CCDC181: variants seen among roughly 807,000 people sequenced by gnomAD.
The protein encoded by CCDC181 is coiled-coil domain-containing protein 181.
Under a neutral mutation model 58.7 loss-of-function variants are expected in CCDC181, and 35 were observed. That is an observed-to-expected ratio of 0.60 (90% CI 0.46 to 0.79). CCDC181 has a LOEUF of 0.79. CCDC181 is among the 30% of genes least tolerant of loss of function. CCDC181 has a pLI of 0.00. For missense variants in CCDC181, 517 were observed against 583.9 expected (o/e 0.89, Z 1.18); for synonymous variants, 183 against 197.5 (o/e 0.93, Z 0.62).
intron 2 of CCDC181, among the ~76,000 whole-genome samples, chr1:169,450,022 G>A (rs1352812349): frequency 2.0e-5 from 3 of 152,174 alleles, no homozygotes; most frequent in Non-Finnish European, 2.9e-5. Context: ...AATAGAGCCC[G>A]ATTGATATGG....
At chr1:169,424,314 C>T (rs1043232693) in intron 2 of CCDC181, among the ~76,000 whole-genome samples, 1 of 151,824 alleles carries the variant, frequency 6.6e-6, no homozygotes, top group Non-Finnish European at 1.5e-5. Context: ...GTGACTCAGA[C>T]TTTGACCCTT....
chr1:169,439,003 T>C (rs1276385532), intron 2 of CCDC181, among the ~76,000 whole-genome samples: 1 of 152,100 alleles, frequency 6.6e-6, no homozygotes, highest in Admixed American at 6.6e-5. Flanking sequence ...GATGGAGAAG[T>C]CTCCTTAACC....
intron 4 of CCDC181, among the ~76,000 whole-genome samples, chr1:169,400,983 G>A (rs552584829): frequency 3.3e-5 from 5 of 152,276 alleles, no homozygotes; most frequent in South Asian, 2.1e-4. Flanking sequence ...CTTAGCAAAC[G>A]GCACATCAGA....
At chr1:169,445,252 T>A (rs998687919) in intron 2 of CCDC181, among the ~76,000 whole-genome samples, 5 of 152,214 alleles carry the variant, frequency 3.3e-5, no homozygotes, top group Non-Finnish European at 4.4e-5. Context: ...TTCTCATCAT[T>A]CACTATGATT....
intron 2 of CCDC181, among the ~76,000 whole-genome samples, chr1:169,458,021 T>C: frequency 6.6e-6 from 1 of 152,160 alleles, no homozygotes; most frequent in East Asian, 1.9e-4. Flanking sequence ...TTCTGTTTTA[T>C]TTAAGATTGA....
intron 2 of CCDC181, among the ~76,000 whole-genome samples, chr1:169,436,229 A>G (rs188652333): frequency 6.6e-6 from 1 of 151,878 alleles, no homozygotes; most frequent in East Asian, 1.9e-4. Flanking sequence ...CAGAAAAAAA[A>G]AATGCTTTTA....
intron 5 of CCDC181, among the ~76,000 whole-genome samples, 142 bp downstream of exon 5, chr1:169,397,081 TATACATTTTTAAAA>T (rs1655082770): frequency 6.6e-6 from 1 of 150,908 alleles, no homozygotes; most frequent in Non-Finnish European, 1.5e-5. Flanking sequence ...GTTAAAGAAT[TATACATTTTTAAAA>T]GCATGAATTT....
chr1:169,438,210 T>A lies in CCDC181; in HGVS notation c.-23-13260A>T, dbSNP rs564305079. On this transcript the variant is annotated intron_variant, in intron 2 of 6. Transcript: ENST00000545005. Reference sequence around the variant, plus strand: ...CTAGCCTCACAAATCCTTTTTTTTTTAAATATATTAATCAAACCCTTGCAG... The same window carrying A: ...CTAGCCTCACAAATCCTTTTTTTTTAAAATATATTAATCAAACCCTTGCAG... 4.0e-3 allele frequency among the ~76,000 whole-genome samples: 581 copies of A among 146,334 alleles called. 7 individuals are homozygous for A. The highest frequency in any genetic ancestry group is 0.011 in the African/African-American group (446 of 39,938).
chr1:169,420,452 C>G (rs1402597241), intron 3 of CCDC181, among the ~76,000 whole-genome samples: 1 of 150,478 alleles, frequency 6.6e-6, no homozygotes, highest in Non-Finnish European at 1.5e-5. Context: ...CAGATATTTC[C>G]CTGATAATTT....
chr1:169,397,742 A>G (rs1655129347), intron 4 of CCDC181, among the ~76,000 whole-genome samples: 1 of 152,266 alleles, frequency 6.6e-6, no homozygotes, highest in South Asian at 2.1e-4. Flanking sequence ...GTGGTCCCTC[A>G]AAGTTCATGA....
In CCDC181 at chr1:169,395,089, C is replaced by G; in HGVS notation, c.1488G>C (p.Met496Ile). 2 of 1,611,418 alleles carry G rather than the reference C, an allele frequency of 1.2e-6. No homozygotes were observed. Among genetic ancestry groups the G allele is most frequent in the Non-Finnish European group, 8.5e-7 (1 of 1,178,954 alleles). The stretch of plus-strand genomic sequence containing the variant: ...TAAAACGAAAAGGTTTGGCTTCTGA[C>G]ATATATAGGTGGTGCTGTAACTGTT... The part of the protein sequence containing the change: ...RSKQLQHHLY[M>I]SEAKPFRFTD... The change falls in exon 6 of 6, where the codon ATG (methionine) becomes ATC (isoleucine). Residue 496 changes from methionine to isoleucine, a missense_variant. Physicochemically the swap from Met to Ile is conservative, Grantham distance 10 (BLOSUM62 1). Coordinates refer to ENST00000367806, the MANE Select transcript of CCDC181 (RefSeq NM_001300969.2).
At chr1:169,457,315 A>C (rs749151484) in intron 2 of CCDC181, among the ~76,000 whole-genome samples, 3 of 152,124 alleles carry the variant, frequency 2.0e-5, no homozygotes, top group African/African-American at 7.2e-5. Context: ...TTAACATAGA[A>C]TATTGCTTCT....
At chr1:169,442,790 CAT>C (rs1657269300) in intron 2 of CCDC181, 1 of 151,876 alleles carries the variant, frequency 6.6e-6, no homozygotes, top group Non-Finnish European at 1.5e-5. Context: ...CATACTAAGT[CAT>C]ATGATAGAAG....
rs1038660480 is a variant in CCDC181 at position 169,427,277 on chromosome 1, A to G, written c.-24+11T>C. 1 of 152,308 alleles carries G rather than the reference A, an allele frequency of 6.6e-6. No individual in the cohort carries two copies. Among genetic ancestry groups the G allele is most frequent in the African/African-American group, 2.4e-5 (1 of 41,318 alleles). The allele number at this position is 152,308 out of a possible 1,614,324, so 9.4% of individuals were successfully genotyped here. ...TCGTCCTTCCCTTCTCTCCCTCTATATCCCTCTTGCCTGTGTAAAATGCGG... is the reference window on the plus strand; with the variant it reads ...TCGTCCTTCCCTTCTCTCCCTCTATGTCCCTCTTGCCTGTGTAAAATGCGG... On this transcript the variant is annotated intron_variant, in intron 1 of 5. Transcript: ENST00000367806.
chr1:169,426,530 TG>T (rs1656720035), intron 1 of CCDC181, among the ~76,000 whole-genome samples: 1 of 152,206 alleles, frequency 6.6e-6, no homozygotes, highest in African/African-American at 2.4e-5. Flanking sequence ...TGTGGATAGG[TG>T]AACTGCCGAT....
upstream of CCDC181, chr1:169,427,611 A>G (rs1435711777): frequency 1.3e-5 from 2 of 152,278 alleles, no homozygotes; most frequent in Non-Finnish European, 2.9e-5. Flanking sequence ...CACTAACGTT[A>G]TAGAGACTCG....
chr1:169,436,221 GA>G (rs200624620), intron 2 of CCDC181, among the ~76,000 whole-genome samples: 3 of 147,730 alleles, frequency 2.0e-5, no homozygotes, highest in African/African-American at 5.0e-5. Context: ...TCTGACACCA[GA>G]AAAAAAAAAT....
intron 4 of CCDC181, among the ~76,000 whole-genome samples, chr1:169,401,459 G>GA (rs768720939): frequency 1.4e-4 from 22 of 152,206 alleles, no homozygotes; most frequent in Non-Finnish European, 1.8e-4. Context: ...GCTTCCAGAG[G>GA]AAGGATCAGG....
At chr1:169,410,792 C>G (rs1371347641) in intron 4 of CCDC181, among the ~76,000 whole-genome samples, 1 of 152,156 alleles carries the variant, frequency 6.6e-6, no homozygotes, top group Non-Finnish European at 1.5e-5. Flanking sequence ...TGAATGACTA[C>G]TGGGTAAATA....
Sources: gnomAD v4.1 joint callset for allele counts (sites outside exome capture counted in the v4.1 genomes callset) on GRCh38, gnomAD v4.1.1 for gene constraint, MANE v1.5 for transcripts, NCBI Gene and HGNC (gene_info 2026-07-23, HGNC 2026-07-21) for gene names.